CACNB2: variants seen among roughly 807,000 people sequenced by gnomAD.
CACNB2 encodes voltage-dependent L-type calcium channel subunit beta-2.
Under a neutral mutation model 73.3 loss-of-function variants are expected in CACNB2, and 42 were observed. The ratio of observed to expected loss-of-function variants is 0.57; its 90% confidence interval spans 0.45 to 0.74. The LOEUF is 0.74. CACNB2 is among the 30% of genes least tolerant of loss of function. The pLI is 0.00. For missense variants in CACNB2, 940 were observed against 853.0 expected (o/e 1.10, Z -1.27); for synonymous variants, 348 against 310.3 (o/e 1.12, Z -1.28).
intron 3 of CACNB2, among the ~76,000 whole-genome samples, chr10:18,413,297 T>C (rs1448040491): frequency 6.6e-6 from 1 of 152,192 alleles, no homozygotes; most frequent in Non-Finnish European, 1.5e-5. Flanking sequence ...ATTGGGACCT[T>C]TATGTGCATT....
chr10:18,283,444 G>T (rs2038644482), intron 2 of CACNB2, among the ~76,000 whole-genome samples: 1 of 152,050 alleles, frequency 6.6e-6, no homozygotes, highest in Non-Finnish European at 1.5e-5. Context: ...TGATAGGCTG[G>T]ATTAAGAAAA....
rs1288868498 is a variant in CACNB2, at chr10:18,539,837, T to TAATA, written c.*114_*117dup. The TAATA allele has an allele frequency of 5.4e-6, 6 of 1,101,080 alleles. No individual in the cohort carries two copies. In the East Asian group the frequency reaches 9.8e-5, roughly 18 times the overall value. The allele number at this position is 1,101,080 out of a possible 1,614,324, so 68.2% of individuals were successfully genotyped here. On this transcript the variant is annotated 3_prime_UTR_variant, in exon 14 of 14. Coordinates refer to ENST00000324631, the MANE Select transcript of CACNB2 (RefSeq NM_201596.3). ...CTGCAATCATATGTGATCTGTCTTG[T>TAATA]AATATTTTGTATTATTGCTGTTGCT...
At chr10:18,506,877 G>A (rs910128756) in intron 6 of CACNB2, among the ~76,000 whole-genome samples, 1 of 152,150 alleles carries the variant, frequency 6.6e-6, no homozygotes, top group Non-Finnish European at 1.5e-5. Context: ...GCAGCTCACT[G>A]CGCCTCTGCC....
chr10:18,385,304 T>C (rs908955490), intron 2 of CACNB2, among the ~76,000 whole-genome samples: 3 of 150,252 alleles, frequency 2.0e-5, no homozygotes, highest in Non-Finnish European at 4.4e-5. Context: ...ACGGTTGCCT[T>C]ATCCCACCTC....
At chr10:18,524,578 C>T (rs1294329158) in intron 9 of CACNB2, among the ~76,000 whole-genome samples, 1 of 150,920 alleles carries the variant, frequency 6.6e-6, no homozygotes, top group East Asian at 1.9e-4. Flanking sequence ...GCGCCTGAAC[C>T]CAGGAGGCGG....
At chr10:18,185,488 T>C (rs1006658724) in intron 2 of CACNB2, among the ~76,000 whole-genome samples, 1 of 152,230 alleles carries the variant, frequency 6.6e-6, no homozygotes, top group African/African-American at 2.4e-5. Context: ...GAAGGTCATC[T>C]TGGATTTGCT....
Position 18,266,599 on chromosome 10 carries a change from T to A in CACNB2, c.213+115624T>A, listed in dbSNP as rs796994497. ...GAATTGTCCCGACAGTTAAAATAAGTGTGAGCGGGCCGGGCACGGTGGCTC... is the reference window on the plus strand; with the variant it reads ...GAATTGTCCCGACAGTTAAAATAAGAGTGAGCGGGCCGGGCACGGTGGCTC... On this transcript the variant is annotated intron_variant, in intron 2 of 13. Coordinates refer to ENST00000324631, the MANE Select transcript of CACNB2 (RefSeq NM_201596.3). Among the ~76,000 whole-genome samples the A allele has an allele frequency of 3.9e-5, 6 of 152,174 alleles. No homozygotes were observed. The East Asian group carries it at 1.2e-3, about 29-fold the overall frequency.
chr10:18,313,863 GC>G (rs1181859353), intron 2 of CACNB2, among the ~76,000 whole-genome samples: 37 of 152,274 alleles, frequency 2.4e-4, no homozygotes, highest in African/African-American at 8.4e-4. Context: ...TTTTCAAAGA[GC>G]TGTTTCTATT....
At chr10:18,482,313 A>C (rs761127925) in intron 3 of CACNB2, among the ~76,000 whole-genome samples, 1 of 152,194 alleles carries the variant, frequency 6.6e-6, no homozygotes, top group South Asian at 2.1e-4. Context: ...ATGTCTGAAA[A>C]AAACAAGTCT....
chr10:18,220,228 TATATAGAGAG>T lies in CACNB2; in HGVS notation c.213+69255_213+69264del, dbSNP rs1251780298. Among the ~76,000 whole-genome samples the T allele has an allele frequency of 1.3e-3, 53 of 40,926 alleles. 1 individual carries two copies. Among genetic ancestry groups the T allele is most frequent in the African/African-American group, 9.7e-3 (45 of 4,658 alleles). 26.8% of individuals were successfully genotyped at this position (40,926 alleles called of 152,430 possible). On this transcript the variant is annotated intron_variant, in intron 2 of 13. Coordinates refer to ENST00000324631, the MANE Select transcript of CACNB2 (RefSeq NM_201596.3). ...ATATATATATATATATATATATATATATATAGAGAGAGAGAGAGAGAGAGAGAGAGAGAGA... is the reference window on the plus strand; with the variant it reads ...ATATATATATATATATATATATATATAGAGAGAGAGAGAGAGAGAGAGAGA...
chr10:18,314,776 ATGTT>A, intron 2 of CACNB2, among the ~76,000 whole-genome samples: 1 of 152,334 alleles, frequency 6.6e-6, no homozygotes, highest in Middle Eastern at 3.4e-3. Context: ...CCAATAAAAG[ATGTT>A]TGTTTGATAC....
At chr10:18,327,606 G>A (rs1353677354) in intron 2 of CACNB2, among the ~76,000 whole-genome samples, 1 of 152,020 alleles carries the variant, frequency 6.6e-6, no homozygotes, top group Non-Finnish European at 1.5e-5. Context: ...TGTATTTTTA[G>A]TAGAGACGGA....
At chr10:18,258,677 G>C (rs1000977833) in intron 2 of CACNB2, among the ~76,000 whole-genome samples, 4 of 152,100 alleles carry the variant, frequency 2.6e-5, no homozygotes, top group Non-Finnish European at 5.9e-5. Context: ...AGTGAGCTGA[G>C]ATCATGCCAC....
chr10:18,441,181 G>C (rs144201935), intron 3 of CACNB2, among the ~76,000 whole-genome samples: 1 of 152,078 alleles, frequency 6.6e-6, no homozygotes, highest in African/African-American at 2.4e-5. Context: ...AAGGAGGGTA[G>C]ATCACCCAGG....
intron 2 of CACNB2, among the ~76,000 whole-genome samples, chr10:18,209,480 G>A (rs990921770): frequency 3.9e-5 from 6 of 152,130 alleles, no homozygotes; most frequent in African/African-American, 1.2e-4. Context: ...TCAGCTGTGT[G>A]GTTCTACAAC....
intron 3 of CACNB2, among the ~76,000 whole-genome samples, chr10:18,445,114 T>C (rs1156593250): frequency 6.6e-6 from 1 of 152,218 alleles, no homozygotes; most frequent in Non-Finnish European, 1.5e-5. Flanking sequence ...GTTTTGCTTC[T>C]GCCCATGGTT....
intron 3 of CACNB2, among the ~76,000 whole-genome samples, chr10:18,467,734 C>T (rs1181620281): frequency 6.6e-6 from 1 of 152,198 alleles, no homozygotes; most frequent in East Asian, 1.9e-4. Context: ...CCCTTGGGAA[C>T]TTTGCTGCCA....
chr10:18,259,410 A>T (rs926432081), intron 2 of CACNB2, among the ~76,000 whole-genome samples: 44 of 151,834 alleles, frequency 2.9e-4, no homozygotes, highest in African/African-American at 1.0e-3. Flanking sequence ...CTATAAAAAA[A>T]TTTTTAAAAT....
intron 6 of CACNB2, among the ~76,000 whole-genome samples, chr10:18,512,754 T>C (rs1025795600): frequency 6.6e-6 from 1 of 152,218 alleles, no homozygotes; most frequent in African/African-American, 2.4e-5. Context: ...AAAAGCACTT[T>C]CTGCATCCTG....
Sources: allele counts gnomAD v4.1 joint callset (sites outside exome capture counted in the v4.1 genomes callset), GRCh38; gene constraint gnomAD v4.1.1; transcripts MANE v1.5; gene names NCBI Gene and HGNC (gene_info 2026-07-23, HGNC 2026-07-21).